The following ERBB4 variants were observed in gnomAD, a reference collection of about 807,000 sequenced individuals.
The protein encoded by ERBB4 is receptor tyrosine-protein kinase erbB-4.
Under a neutral mutation model 158.0 loss-of-function variants are expected in ERBB4, and 42 were observed. That is an observed-to-expected ratio of 0.27 (90% confidence interval 0.21 to 0.34). ERBB4 has a LOEUF of 0.34. ERBB4 is among the 10% of genes least tolerant of loss of function. The pLI, the probability that ERBB4 is intolerant of heterozygous loss-of-function variation, is 1.00. For synonymous variants in ERBB4, 583 were observed against 558.7 expected, an observed-to-expected ratio of 1.04 and a Z score of -0.61; for missense variants, 1,333 against 1,624.1, an observed-to-expected ratio of 0.82 and a Z score of 3.08.
At chr2:212,495,965 C>T (rs1375869003) in intron 1 of ERBB4, among the ~76,000 whole-genome samples, 1 of 152,004 alleles carries the variant, frequency 6.6e-6, no homozygotes, top group Non-Finnish European at 1.5e-5. Context: ...ATATAAAGTG[C>T]TATTTCCCTA....
At chr2:212,169,491 A>T (rs1533770) in intron 1 of ERBB4, among the ~76,000 whole-genome samples, 4 of 152,140 alleles carry the variant, frequency 2.6e-5, no homozygotes, top group African/African-American at 9.7e-5. Flanking sequence ...TCTTCCTAAC[A>T]CCATATACAA....
chr2:211,506,195 G>A, intron 20 of ERBB4, among the ~76,000 whole-genome samples: 1 of 149,892 alleles, frequency 6.7e-6, no homozygotes, highest in Admixed American at 6.6e-5. Context: ...ACAATAAAGA[G>A]TGCAATACAG....
intron 3 of ERBB4, among the ~76,000 whole-genome samples, chr2:211,944,811 G>T (rs1390260980): frequency 1.3e-5 from 2 of 152,078 alleles, no homozygotes; most frequent in African/African-American, 4.8e-5. Flanking sequence ...TTCAGGTGAG[G>T]CCCAAGGATT....
At chr2:211,758,775 T>G (rs529076147) in intron 4 of ERBB4, among the ~76,000 whole-genome samples, 1 of 152,234 alleles carries the variant, frequency 6.6e-6, no homozygotes, top group Non-Finnish European at 1.5e-5. Flanking sequence ...CTTGGAGGTG[T>G]GCAGTGCACA....
chr2:211,401,434 T>C (rs748409854), intron 25 of ERBB4, among the ~76,000 whole-genome samples: 5 of 151,810 alleles, frequency 3.3e-5, no homozygotes, highest in Non-Finnish European at 5.9e-5. Flanking sequence ...AGAGTCCTAA[T>C]AAGATATATC....
chr2:212,533,131 T>G (rs1420585251), intron 1 of ERBB4, among the ~76,000 whole-genome samples: 1 of 152,168 alleles, frequency 6.6e-6, no homozygotes, highest in Non-Finnish European at 1.5e-5. Context: ...TTTGGGGAAA[T>G]TGCCCTCAAA....
intron 1 of ERBB4, among the ~76,000 whole-genome samples, chr2:212,537,921 C>T (rs1286444797): frequency 6.6e-6 from 1 of 152,146 alleles, no homozygotes; most frequent in Non-Finnish European, 1.5e-5. Flanking sequence ...TCTGACGCCA[C>T]AAGGCTCGGG....
chr2:212,484,348 C>G (rs1039390457), intron 1 of ERBB4, among the ~76,000 whole-genome samples: 2 of 152,128 alleles, frequency 1.3e-5, no homozygotes, highest in East Asian at 1.9e-4. Flanking sequence ...TGTATTTTCT[C>G]TAATCTTTTT....
At chr2:212,112,990 C>A (rs1447057591) in intron 2 of ERBB4, among the ~76,000 whole-genome samples, 1 of 152,150 alleles carries the variant, frequency 6.6e-6, no homozygotes, top group African/African-American at 2.4e-5. Context: ...CAGTATATCT[C>A]ACCACCTAAC....
chr2:212,292,506 A>G (rs762302586), intron 1 of ERBB4, among the ~76,000 whole-genome samples: 1 of 152,034 alleles, frequency 6.6e-6, no homozygotes, highest in Non-Finnish European at 1.5e-5. Context: ...AAAAATAGTA[A>G]TGACATAATC....
Position 211,381,532 on chromosome 2 carries a change from T to C in ERBB4, c.*2083A>G, listed in dbSNP as rs1219180886. The C allele has an allele frequency of 2.2e-5, 5 of 231,224 alleles. No individual in the cohort carries two copies. Among genetic ancestry groups the C allele is most frequent in the South Asian group, 3.6e-4 (2 of 5,522 alleles). 14.3% of individuals were successfully genotyped at this position (231,224 alleles called of 1,614,324 possible). ...TATGCAATCTGATTGTTGGAACGCA[T>C]AGAAAAATTAAAATGTCATTTTAAT... On this transcript the variant is annotated 3_prime_UTR_variant, in exon 28 of 28. Coordinates refer to ENST00000342788, the MANE Select transcript of ERBB4 (RefSeq NM_005235.3).
chr2:211,460,140 A>G (rs2064492180), intron 20 of ERBB4, among the ~76,000 whole-genome samples: 1 of 137,138 alleles, frequency 7.3e-6, no homozygotes, highest in Non-Finnish European at 1.7e-5. Context: ...AGTCAACATT[A>G]TTACTATAAA....
chr2:212,457,293 A>G (rs1688342491), intron 1 of ERBB4, among the ~76,000 whole-genome samples: 1 of 151,996 alleles, frequency 6.6e-6, no homozygotes, highest in South Asian at 2.1e-4. Flanking sequence ...GAGATTCCCA[A>G]TCATAGCACA....
intron 2 of ERBB4, among the ~76,000 whole-genome samples, chr2:212,059,297 C>G (rs1445059986): frequency 6.6e-6 from 1 of 152,084 alleles, no homozygotes; most frequent in African/African-American, 2.4e-5. Context: ...AAAGAGGATA[C>G]AAACAAATGG....
At chr2:212,157,764 G>A (rs940150424) in intron 1 of ERBB4, among the ~76,000 whole-genome samples, 4 of 152,016 alleles carry the variant, frequency 2.6e-5, no homozygotes, top group Non-Finnish European at 5.9e-5. Flanking sequence ...ACAAAATAGG[G>A]CTCAGGAAAT....
chr2:211,830,690 C>T (rs940060977), intron 3 of ERBB4, among the ~76,000 whole-genome samples: 1 of 151,570 alleles, frequency 6.6e-6, no homozygotes, highest in Non-Finnish European at 1.5e-5. Context: ...TTTATCAATG[C>T]AATAAAAATA....
At chr2:211,489,437 C>T (rs1049273836) in intron 20 of ERBB4, among the ~76,000 whole-genome samples, 3 of 151,682 alleles carry the variant, frequency 2.0e-5, no homozygotes, top group Non-Finnish European at 2.9e-5. Context: ...AAAGTGTTGT[C>T]GAGAGAATCA....
At chr2:212,067,291 A>G (rs530682842) in intron 2 of ERBB4, among the ~76,000 whole-genome samples, 1 of 152,124 alleles carries the variant, frequency 6.6e-6, no homozygotes, top group Admixed American at 6.6e-5. Context: ...CACTTATGTA[A>G]ATAATCAGGC....
At chr2:211,413,237 A>T (rs554609037) in intron 25 of ERBB4, among the ~76,000 whole-genome samples, 8 of 149,266 alleles carry the variant, frequency 5.4e-5, no homozygotes, top group African/African-American at 2.0e-4. Context: ...CAGGAGGTCA[A>T]GACTGCAGTG....
Sources: allele counts gnomAD v4.1 joint callset (sites outside exome capture counted in the v4.1 genomes callset), GRCh38; gene constraint gnomAD v4.1.1; transcripts MANE v1.5; gene names NCBI Gene and HGNC (gene_info 2026-07-23, HGNC 2026-07-21).